Variants in LPP observed in about 807,000 individuals in gnomAD.
LPP encodes the protein LIM domain containing preferred translocation partner in lipoma.
In LPP, 38 loss-of-function variants were observed where a neutral mutation model predicts 60.4. That is an observed-to-expected ratio of 0.63 (90% CI 0.49 to 0.83). The LOEUF (loss-of-function observed/expected upper bound fraction) is 0.83, where lower values mean the gene tolerates loss of function less well. LPP is among the 40% of genes least tolerant of loss of function. The probability of loss-of-function intolerance (pLI) is 0.00; values close to 1 mark genes in which losing one functional copy is unlikely to be tolerated. For missense variants in LPP, 902 were observed against 783.6 expected (o/e 1.15, Z -1.80); for synonymous variants, 328 against 290.8 (o/e 1.13, Z -1.30).
chr3:188,437,596 A>G (rs1183146877), intron 4 of LPP, among the ~76,000 whole-genome samples: 1 of 152,212 alleles, frequency 6.6e-6, no homozygotes, highest in Non-Finnish European at 1.5e-5. Context: ...AGTTTTCATA[A>G]TATGTAACTA....
At chr3:188,451,498 T>C (rs1796583841) in intron 4 of LPP, among the ~76,000 whole-genome samples, 1 of 152,234 alleles carries the variant, frequency 6.6e-6, no homozygotes, top group Admixed American at 6.5e-5. Context: ...AATTGCATTG[T>C]AGAAACTTTT....
rs1206082559 is a variant in LPP, at chr3:188,785,547, T to TATATATACACACACACAC, written c.1410+25266_1410+25267insTATATACACACACACACA. On this transcript the variant is annotated intron_variant, in intron 9 of 11. Coordinates refer to ENST00000617246, the MANE Select transcript of LPP (RefSeq NM_001375462.1). ...ATATATATTCCATCATATATATATATACACACACACACACACACACACACA... is the reference window on the plus strand; with the variant it reads ...ATATATATTCCATCATATATATATATATATATACACACACACACACACACACACACACACACACACACA... Among the ~76,000 whole-genome samples, 29 of 43,846 alleles carry TATATATACACACACACAC rather than the reference T, an allele frequency of 6.6e-4. 2 individuals carry two copies. Among genetic ancestry groups the TATATATACACACACACAC allele is most frequent in the African/African-American group, 2.4e-3 (25 of 10,630 alleles). 28.8% of individuals were successfully genotyped at this position (43,846 alleles called of 152,430 possible).
At chr3:188,329,327 A>G (rs915863357) in intron 2 of LPP, among the ~76,000 whole-genome samples, 5 of 152,208 alleles carry the variant, frequency 3.3e-5, no homozygotes, top group Middle Eastern at 3.2e-3. Context: ...TTTAAAGGTA[A>G]CTCAAGGAAT....
At chr3:188,494,073 A>G (rs1809216962) in intron 5 of LPP, among the ~76,000 whole-genome samples, 1 of 152,180 alleles carries the variant, frequency 6.6e-6, no homozygotes, top group African/African-American at 2.4e-5. Context: ...ATGGGAATAT[A>G]TAGTTATTTA....
At chr3:188,240,629 C>T (rs567750897) in intron 2 of LPP, among the ~76,000 whole-genome samples, 1 of 152,216 alleles carries the variant, frequency 6.6e-6, no homozygotes, top group African/African-American at 2.4e-5. Flanking sequence ...TGGGTAGAAA[C>T]TTTCATATAA....
intron 8 of LPP, among the ~76,000 whole-genome samples, chr3:188,720,416 C>T (rs2149861985): frequency 6.6e-6 from 1 of 152,180 alleles, no homozygotes; most frequent in East Asian, 1.9e-4. Context: ...TATTCTTTTC[C>T]ATCCCGGTTC....
chr3:188,529,712 T>G (rs1579678568), intron 6 of LPP, among the ~76,000 whole-genome samples: 2 of 152,378 alleles, frequency 1.3e-5, no homozygotes, highest in South Asian at 4.1e-4. Context: ...CATTGATTCA[T>G]TGATTCATTC....
At chr3:188,190,889 A>G (rs767784826) in intron 1 of LPP, among the ~76,000 whole-genome samples, 6 of 152,208 alleles carry the variant, frequency 3.9e-5, no homozygotes, top group Non-Finnish European at 7.3e-5. Flanking sequence ...ATTTCACTAG[A>G]TGATGAAAGA....
At chr3:188,411,271 G>A (rs1784825442) in intron 4 of LPP, among the ~76,000 whole-genome samples, 1 of 152,042 alleles carries the variant, frequency 6.6e-6, no homozygotes, top group Admixed American at 6.6e-5. Context: ...AATAAATGTT[G>A]GCATAGATAT....
intron 2 of LPP, among the ~76,000 whole-genome samples, chr3:188,254,983 T>C (rs1478155660): frequency 1.3e-5 from 2 of 152,214 alleles, no homozygotes; most frequent in African/African-American, 4.8e-5. Context: ...TCCTACCTCA[T>C]GCAAGGAAGT....
At chr3:188,507,202 A>G (rs1813770768) in intron 5 of LPP, among the ~76,000 whole-genome samples, 1 of 152,164 alleles carries the variant, frequency 6.6e-6, no homozygotes, top group African/African-American at 2.4e-5. Context: ...TTCTCTGGGA[A>G]AGGACTATGA....
intron 1 of LPP, chr3:188,179,438 TG>T (rs1206447384): frequency 4.4e-6 from 2 of 457,794 alleles, no homozygotes; most frequent in African/African-American, 4.0e-5. Flanking sequence ...TTCTGTCCTT[TG>T]GGTCCCCTGT....
intron 2 of LPP, among the ~76,000 whole-genome samples, chr3:188,288,598 A>C (rs1744810235): frequency 6.6e-6 from 1 of 151,378 alleles, no homozygotes; most frequent in Non-Finnish European, 1.5e-5. Flanking sequence ...ACACACATAC[A>C]CACAGATCTG....
chr3:188,810,904 T>G, intron 9 of LPP, among the ~76,000 whole-genome samples: 1 of 152,236 alleles, frequency 6.6e-6, no homozygotes, highest in South Asian at 2.1e-4. Context: ...ATACCATAAT[T>G]TTTTTGTTCT....
At chr3:188,407,476 G>A (rs933862716) in intron 4 of LPP, among the ~76,000 whole-genome samples, 11 of 152,208 alleles carry the variant, frequency 7.2e-5, no homozygotes, top group African/African-American at 2.4e-4. Flanking sequence ...AGCTGCAGCT[G>A]TGGATCTTTG....
At chr3:188,419,275 G>A (rs144076043) in intron 4 of LPP, among the ~76,000 whole-genome samples, 2 of 152,290 alleles carry the variant, frequency 1.3e-5, no homozygotes, top group East Asian at 1.9e-4. Flanking sequence ...GTAAAAACAC[G>A]TCTTAGCCCT....
intron 2 of LPP, among the ~76,000 whole-genome samples, chr3:188,318,174 T>C (rs972498927): frequency 1.6e-4 from 25 of 152,248 alleles, no homozygotes; most frequent in African/African-American, 5.8e-4. Context: ...TTTAGCACAG[T>C]ACTTTGCTCA....
intron 8 of LPP, among the ~76,000 whole-genome samples, chr3:188,741,379 T>A (rs913854027): frequency 6.6e-6 from 1 of 152,068 alleles, no homozygotes; most frequent in Non-Finnish European, 1.5e-5. Flanking sequence ...GTTCTCCAAC[T>A]TTGTTCCTCT....
intron 4 of LPP, among the ~76,000 whole-genome samples, chr3:188,438,398 C>G (rs1201628965): frequency 2.7e-5 from 4 of 149,476 alleles, no homozygotes; most frequent in African/African-American, 5.0e-5. Flanking sequence ...CACACACACA[C>G]ACAGTCTCAT....
Sources: allele counts gnomAD v4.1 joint callset (sites outside exome capture counted in the v4.1 genomes callset), GRCh38; gene constraint gnomAD v4.1.1; transcripts MANE v1.5; gene names NCBI Gene and HGNC (gene_info 2026-07-23, HGNC 2026-07-21).